ERBB4: variants seen among roughly 807,000 people sequenced by gnomAD.
The protein encoded by ERBB4 is erb-b2 receptor tyrosine kinase 4.
A neutral mutation model predicts 158.0 loss-of-function variants in ERBB4; 42 were observed. That is an observed-to-expected ratio of 0.27 (90% confidence interval 0.21 to 0.34). The LOEUF (loss-of-function observed/expected upper bound fraction) is 0.34, where lower values mean the gene tolerates loss of function less well. ERBB4 is among the 10% of genes least tolerant of loss of function. The probability of loss-of-function intolerance (pLI) is 1.00; values close to 1 mark genes in which losing one functional copy is unlikely to be tolerated. For missense variants in ERBB4, 1,333 were observed against 1,624.1 expected (o/e 0.82, Z 3.08); for synonymous variants, 583 against 558.7 (o/e 1.04, Z -0.61).
chr2:211,402,151 G>T (rs1427898734), intron 25 of ERBB4, among the ~76,000 whole-genome samples: 1 of 151,938 alleles, frequency 6.6e-6, no homozygotes, highest in Non-Finnish European at 1.5e-5. Context: ...TTTTTATCAT[G>T]TATAAATATA....
Position 212,155,145 on chromosome 2 carries a change from A to G in ERBB4, c.83-30242T>C, listed in dbSNP as rs776058406. On this transcript the variant is annotated intron_variant, in intron 1 of 27. Transcript: ENST00000342788. The stretch of plus-strand genomic sequence containing the variant: ...GCTACGCTTTAGTGATATTTTGTCA[A>G]ATGTTTTATTTAAAGCTTGTCTTAA... Among the ~76,000 whole-genome samples, 65 of 152,292 alleles carry G rather than the reference A, an allele frequency of 4.3e-4. 1 individual carries two copies. The Middle Eastern group carries it at 0.01, about 24-fold the overall frequency.
At chr2:212,168,379 C>A (rs974191902) in intron 1 of ERBB4, among the ~76,000 whole-genome samples, 7 of 152,112 alleles carry the variant, frequency 4.6e-5, no homozygotes, top group Admixed American at 3.3e-4. Context: ...ATTCTTCTTG[C>A]ATGACATCTC....
chr2:211,996,807 C>T (rs1211278258), intron 2 of ERBB4, among the ~76,000 whole-genome samples: 1 of 152,124 alleles, frequency 6.6e-6, no homozygotes, highest in African/African-American at 2.4e-5. Context: ...GAAACATCTC[C>T]CTGGGACCAC....
intron 1 of ERBB4, among the ~76,000 whole-genome samples, chr2:212,175,403 T>C (rs1445964805): frequency 2.0e-5 from 3 of 151,954 alleles, no homozygotes; most frequent in Non-Finnish European, 1.5e-5. Context: ...CCTCCTTCTG[T>C]GTGTGTTTTT....
chr2:212,513,839 A>G (rs1213641291), intron 1 of ERBB4, among the ~76,000 whole-genome samples: 2 of 152,144 alleles, frequency 1.3e-5, no homozygotes, highest in Non-Finnish European at 2.9e-5. Context: ...ATAAATAAAA[A>G]GAACAATTTA....
intron 3 of ERBB4, among the ~76,000 whole-genome samples, chr2:211,804,879 T>G (rs529430757): frequency 6.6e-6 from 1 of 152,212 alleles, no homozygotes; most frequent in Admixed American, 6.5e-5. Context: ...CAGTGAGTGT[T>G]CTTTCTACTT....
At chr2:211,786,683 C>T (rs2076171695) in intron 4 of ERBB4, among the ~76,000 whole-genome samples, 3 of 152,174 alleles carry the variant, frequency 2.0e-5, no homozygotes, top group Admixed American at 1.3e-4. Flanking sequence ...TATTCTTGCA[C>T]GATCTTATTC....
rs1207148896 is a variant in ERBB4 at position 212,326,013 on chromosome 2, CT to C, written c.83-201111del. On this transcript the variant is annotated intron_variant, in intron 1 of 27. Coordinates refer to ENST00000342788, the MANE Select transcript of ERBB4 (RefSeq NM_005235.3). ...GAAGATGACAAAGCTCCAATAAGCC[CT>C]TAAGTACAGAGCTGGAGGCCCAAAC... 2.0e-5 allele frequency among the ~76,000 whole-genome samples: 3 copies of C among 150,462 alleles called. 1 individual carries two copies. Among genetic ancestry groups the C allele is most frequent in the Non-Finnish European group, 4.5e-5 (3 of 67,118 alleles).
chr2:212,486,770 C>T (rs1690004214), intron 1 of ERBB4, among the ~76,000 whole-genome samples: 1 of 152,082 alleles, frequency 6.6e-6, no homozygotes, highest in Non-Finnish European at 1.5e-5. Flanking sequence ...GGGTCTATGG[C>T]AGTCAGGACC....
intron 15 of ERBB4, among the ~76,000 whole-genome samples, chr2:211,664,607 T>C (rs2071554494): frequency 6.6e-6 from 1 of 152,226 alleles, no homozygotes; most frequent in African/African-American, 2.4e-5. Flanking sequence ...AGTGCTTTTC[T>C]TCTTTCTGTA....
chr2:211,519,111 G>C (rs980675009), intron 20 of ERBB4, among the ~76,000 whole-genome samples: 5 of 151,992 alleles, frequency 3.3e-5, no homozygotes, highest in Non-Finnish European at 7.4e-5. Flanking sequence ...ACCAGTTTGA[G>C]TGAGCCAAGT....
chr2:212,214,425 A>G (rs369410006), intron 1 of ERBB4, among the ~76,000 whole-genome samples: 19 of 151,972 alleles, frequency 1.3e-4, no homozygotes, highest in African/African-American at 4.3e-4. Flanking sequence ...TGGGACATAC[A>G]CTACATTATC....
At position 212,225,749 on chromosome 2, in the gene ERBB4, C is replaced by T. The variant is rs540120265; in HGVS notation, c.83-100846G>A. Among the ~76,000 whole-genome samples the T allele has an allele frequency of 1.0e-3, 152 of 151,526 alleles. 1 individual carries two copies. Among genetic ancestry groups the T allele is most frequent in the Non-Finnish European group, 1.7e-3 (115 of 67,862 alleles). On this transcript the variant is annotated intron_variant, in intron 1 of 27. Coordinates refer to ENST00000342788, the MANE Select transcript of ERBB4 (RefSeq NM_005235.3). ...TATAGGACACTTTTACTATTCTTCC[C>T]TCTCTCACTGCTTCCTTCTTTCTTT...
chr2:212,372,695 G>A (rs1003208354), intron 1 of ERBB4, among the ~76,000 whole-genome samples: 2 of 152,176 alleles, frequency 1.3e-5, no homozygotes, highest in African/African-American at 4.8e-5. Context: ...GTTGCGGTGA[G>A]CCGAGATTGC....
intron 8 of ERBB4, 126 bp from the exon 9 acceptor site, chr2:211,712,302 GT>G (rs1290556025): frequency 1.0e-6 from 1 of 987,298 alleles, no homozygotes; most frequent in Non-Finnish European, 1.5e-6. Context: ...TACAAATTTT[GT>G]TTTCTAAAAA....
At chr2:212,338,000 C>T (rs997296987) in intron 1 of ERBB4, among the ~76,000 whole-genome samples, 10 of 151,992 alleles carry the variant, frequency 6.6e-5, no homozygotes, top group African/African-American at 9.7e-5. Flanking sequence ...AGTAACTGTG[C>T]CAGGATAATT....
At chr2:211,571,043 T>C (rs75679115) in intron 19 of ERBB4, among the ~76,000 whole-genome samples, 2 of 129,500 alleles carry the variant, frequency 1.5e-5, no homozygotes, top group African/African-American at 7.1e-5. Flanking sequence ...CTCTTCTTCT[T>C]TTTTTTTTTT....
Position 211,375,992 on chromosome 2 carries a change from G to A in ERBB4, c.*7623C>T. 4.3e-6 allele frequency: 1 copy of A among 232,976 alleles called. No homozygotes were observed. Among genetic ancestry groups the A allele is most frequent in the East Asian group, 6.1e-5 (1 of 16,488 alleles). The allele number at this position is 232,976 out of a possible 1,614,324, so 14.4% of individuals were successfully genotyped here. A position where few individuals can be genotyped will look rare whatever the true frequency, so the allele number is the denominator to read the frequency against. On this transcript the variant is annotated 3_prime_UTR_variant, in exon 28 of 28. Transcript: ENST00000342788. ...CTCATTCTCAAATAACAACAGGAAT[G>A]AGGGAAAGGAAGGAGGATGGGTAAA...
intron 1 of ERBB4, among the ~76,000 whole-genome samples, chr2:212,342,448 T>G (rs1168731640): frequency 6.6e-6 from 1 of 152,166 alleles, no homozygotes; most frequent in African/African-American, 2.4e-5. Context: ...AAGATGTGCC[T>G]TCCGTCATAA....
Sources: allele counts gnomAD v4.1 joint callset (sites outside exome capture counted in the v4.1 genomes callset), GRCh38; gene constraint gnomAD v4.1.1; transcripts MANE v1.5; gene names NCBI Gene and HGNC (gene_info 2026-07-23, HGNC 2026-07-21).